The following RBFOX3 variants were observed in gnomAD, a reference collection of about 807,000 sequenced individuals.
The protein encoded by RBFOX3 is RNA binding protein fox-1 homolog 3.
A neutral mutation model predicts 48.7 loss-of-function variants in RBFOX3; 17 were observed. That is an observed-to-expected ratio of 0.35 (90% CI 0.24 to 0.52). The LOEUF is 0.52. Ranked by LOEUF, RBFOX3 falls within the 20% of genes least tolerant of loss-of-function variation. RBFOX3 has a pLI of 0.94. For missense variants in RBFOX3, 382 were observed against 497.5 expected (o/e 0.77, Z 2.21); for synonymous variants, 212 against 209.5 (o/e 1.01, Z -0.10).
At chr17:79,526,705 T>C (rs1394711884) in intron 1 of RBFOX3, among the ~76,000 whole-genome samples, 1 of 152,216 alleles carries the variant, frequency 6.6e-6, no homozygotes, top group Non-Finnish European at 1.5e-5. Context: ...TCAATTCCGT[T>C]GCCCTGGCAC....
intron 1 of RBFOX3, among the ~76,000 whole-genome samples, chr17:79,484,169 G>T (rs2079176905): frequency 6.6e-6 from 1 of 152,112 alleles, no homozygotes; most frequent in African/African-American, 2.4e-5. Context: ...TTTCACAACG[G>T]AGTTTTAAAC....
chr17:79,259,483 G>C (rs939279655), intron 3 of RBFOX3, among the ~76,000 whole-genome samples: 9 of 152,248 alleles, frequency 5.9e-5, no homozygotes, highest in African/African-American at 2.2e-4. Context: ...GAGCTCTCCT[G>C]TGTTCCTGAG....
intron 4 of RBFOX3, among the ~76,000 whole-genome samples, chr17:79,207,717 T>TG (rs1457354617): frequency 6.6e-6 from 1 of 152,150 alleles, no homozygotes; most frequent in Non-Finnish European, 1.5e-5. Context: ...TGCTGCCCTC[T>TG]GGGGAGGACT....
At chr17:79,302,054 A>G (rs2075393988) in intron 3 of RBFOX3, among the ~76,000 whole-genome samples, 1 of 152,194 alleles carries the variant, frequency 6.6e-6, no homozygotes, top group Admixed American at 6.5e-5. Context: ...ATGTTTGCAC[A>G]ACAATGCAAA....
At chr17:79,420,230 C>T (rs2066085445) in intron 2 of RBFOX3, among the ~76,000 whole-genome samples, 1 of 151,622 alleles carries the variant, frequency 6.6e-6, no homozygotes, top group Non-Finnish European at 1.5e-5. Flanking sequence ...TTAAAAAACA[C>T]AAATTGGCTG....
intron 1 of RBFOX3, among the ~76,000 whole-genome samples, chr17:79,484,513 GGGTGCAGGGGGCCTGGGTGCAGGGGCCT>G (rs2079248285): frequency 1.7e-5 from 1 of 58,728 alleles, no homozygotes; most frequent in Non-Finnish European, 4.2e-5. Flanking sequence ...CAGGGGGCCT[GGGTGCAGGGGGCCTGGGTGCAGGGGCCT>G]GGGTGCAGGG....
At position 79,345,325 on chromosome 17, in the gene RBFOX3, T is replaced by C. The variant is rs1437591010; in HGVS notation, c.-174-37501A>G. ...GTCTGTAGTGATGTCCCCTGCTTCA[T>C]TACTGAGATTGGTAATTTGTCTTTT... On this transcript the variant is annotated intron_variant, in intron 2 of 14. Coordinates refer to ENST00000693108, the MANE Select transcript of RBFOX3 (RefSeq NM_001350451.2). Among the ~76,000 whole-genome samples the C allele has an allele frequency of 3.3e-5, 5 of 152,366 alleles. No individual in the cohort carries two copies. In the East Asian group the frequency reaches 7.7e-4, roughly 23 times the overall value.
At chr17:79,269,128 C>T (rs371592498) in intron 3 of RBFOX3, among the ~76,000 whole-genome samples, 55 of 151,702 alleles carry the variant, frequency 3.6e-4, no homozygotes, top group Middle Eastern at 3.4e-3. Context: ...AAGATAGAGA[C>T]GTGCAGGCAC....
chr17:79,471,133 C>T lies in RBFOX3; in HGVS notation c.-175+11321G>A, dbSNP rs1423237274. Among the ~76,000 whole-genome samples the T allele has an allele frequency of 6.6e-6, 1 of 152,206 alleles. No individual in the cohort carries two copies. The highest frequency in any genetic ancestry group is 1.5e-5 in the Non-Finnish European group (1 of 68,042). On this transcript the variant is annotated intron_variant, in intron 2 of 14. Coordinates refer to ENST00000693108, the MANE Select transcript of RBFOX3 (RefSeq NM_001350451.2). The surrounding 1 kb of genome is among the most constrained non-coding windows in gnomAD (Gnocchi z 4.0). ...TGCTGGCCTCAGTGACAATGCTTGA[C>T]ATCCATAATGCAGAATGGAGGTGAG... is the stretch of plus-strand genomic sequence containing the variant.
intron 4 of RBFOX3, among the ~76,000 whole-genome samples, chr17:79,170,112 G>GAGGA (rs749783223): frequency 2.2e-4 from 32 of 148,684 alleles, no homozygotes; most frequent in Admixed American, 2.7e-4. Flanking sequence ...AGGAAAGGAG[G>GAGGA]AGGAAGGAAG....
chr17:79,458,106 G>A lies in RBFOX3; in HGVS notation c.-175+24348C>T, dbSNP rs181490562. Among the ~76,000 whole-genome samples the A allele has an allele frequency of 2.1e-3, 314 of 152,348 alleles. 1 individual carries two copies. Among genetic ancestry groups the A allele is most frequent in the South Asian group, 7.5e-3 (36 of 4,822 alleles). On this transcript the variant is annotated intron_variant, in intron 2 of 14. Coordinates refer to ENST00000693108, the MANE Select transcript of RBFOX3 (RefSeq NM_001350451.2). ...CCTCCCCAGGTGGGTAACAGAGCAG[G>A]CAGTTGGGCAGGGAAGGAGCAGGGA...
intron 4 of RBFOX3, among the ~76,000 whole-genome samples, chr17:79,217,216 G>T (rs928940137): frequency 1.3e-5 from 2 of 152,230 alleles, no homozygotes; most frequent in Non-Finnish European, 1.5e-5. Context: ...AATGAGCACA[G>T]AAATCATTGG....
chr17:79,513,811 G>A (rs922569828), intron 1 of RBFOX3, among the ~76,000 whole-genome samples: 66 of 152,292 alleles, frequency 4.3e-4, no homozygotes, highest in East Asian at 9.7e-4. Flanking sequence ...CATTTCTCCC[G>A]AGTGTGGTTC....
chr17:79,358,156 A>G (rs4789895), intron 2 of RBFOX3, among the ~76,000 whole-genome samples: 149,528 of 152,238 alleles, frequency 0.98, 73,493 homozygotes, highest in East Asian at 1. Flanking sequence ...ATGTTGCCCA[A>G]GCTGGTCTCA....
intron 1 of RBFOX3, among the ~76,000 whole-genome samples, chr17:79,513,289 T>G (rs1314262512): frequency 6.8e-6 from 1 of 147,246 alleles, no homozygotes; most frequent in African/African-American, 2.5e-5. Flanking sequence ...ATGTCACCAT[T>G]GGGCACGGTC....
At chr17:79,330,061 CA>C (rs2079987265) in intron 2 of RBFOX3, among the ~76,000 whole-genome samples, 1 of 152,200 alleles carries the variant, frequency 6.6e-6, no homozygotes, top group Non-Finnish European at 1.5e-5. Context: ...TTAAGCTGGG[CA>C]GAAAAACTGA....
chr17:79,397,450 G>A (rs1223691140), intron 2 of RBFOX3, among the ~76,000 whole-genome samples: 2 of 150,862 alleles, frequency 1.3e-5, no homozygotes, highest in Admixed American at 6.6e-5. Flanking sequence ...CCAAGATAAT[G>A]CCACTGCCCT....
intron 1 of RBFOX3, among the ~76,000 whole-genome samples, chr17:79,507,625 C>G (rs2083363975): frequency 6.6e-6 from 1 of 152,146 alleles, no homozygotes; most frequent in African/African-American, 2.4e-5. Context: ...CAAGAGCCCC[C>G]ATGTCAGACA....
At chr17:79,631,298 C>T in the RBFOX3 span, among the ~76,000 whole-genome samples, 1 of 152,108 alleles carries the variant, frequency 6.6e-6, no homozygotes, top group African/African-American at 2.4e-5. Flanking sequence ...TGGGTCTAAA[C>T]ACTCTATAGA....
Sources: allele counts gnomAD v4.1 joint callset (sites outside exome capture counted in the v4.1 genomes callset), GRCh38; gene constraint gnomAD v4.1.1; non-coding constraint Gnocchi (gnomAD v3.1); transcripts MANE v1.5; gene names NCBI Gene and HGNC (gene_info 2026-07-23, HGNC 2026-07-21).